Variants in DNAI3 observed in about 807,000 individuals in gnomAD.
DNAI3 encodes dynein axonemal intermediate chain 3.
A neutral mutation model predicts 115.5 loss-of-function variants in DNAI3; 83 were observed. That is an observed-to-expected ratio of 0.72 (90% CI 0.60 to 0.86). The LOEUF (loss-of-function observed/expected upper bound fraction) is 0.86, where lower values mean the gene tolerates loss of function less well. Among genes scored for constraint, DNAI3 ranks in the 40% least tolerant of loss-of-function variants. The probability of loss-of-function intolerance (pLI) is 0.00; values close to 1 mark genes in which losing one functional copy is unlikely to be tolerated. For missense variants in DNAI3, 1,004 were observed against 1,075.8 expected (o/e 0.93, Z 0.93); for synonymous variants, 320 against 347.0 (o/e 0.92, Z 0.86).
At position 85,098,517 on chromosome 1, in the gene DNAI3, T is replaced by C. The variant is rs752764241; in HGVS notation, c.1351-13T>C. On this transcript the variant is annotated splice_polypyrimidine_tract_variant and intron_variant, in intron 12 of 22. Transcript: ENST00000294664. ...CTGAAATTAGCACTTAACTTTCTTT[T>C]AATATTTTTCAGCCTATGTTTCTCC... 6.2e-7 allele frequency: 1 copy of C among 1,606,198 alleles called. No individual in the cohort carries two copies. Among genetic ancestry groups the C allele is most frequent in the African/African-American group, 1.3e-5 (1 of 74,424 alleles).
rs1655999915 is a variant in DNAI3 at position 85,121,737 on chromosome 1, T to C, written c.1918-14T>C. The C allele has an allele frequency of 6.2e-7, 1 of 1,613,472 alleles. No homozygotes were observed. The highest frequency in any genetic ancestry group is 8.5e-7 in the Non-Finnish European group (1 of 1,179,590). On this transcript the variant is annotated splice_polypyrimidine_tract_variant and intron_variant, in intron 17 of 22. Coordinates refer to ENST00000294664, the MANE Select transcript of DNAI3 (RefSeq NM_145172.5). ...GTTGTCATTGTACTCATCAGGAACC[T>C]GTAATATTTTTAGGAAGGCGAAGTG...
intron 1 of DNAI3, among the ~76,000 whole-genome samples, chr1:85,065,509 G>T (rs1428211213): frequency 6.6e-6 from 1 of 152,220 alleles, no homozygotes; most frequent in Non-Finnish European, 1.5e-5. Context: ...AGTGACAAGG[G>T]TGGCACCAGT....
intron 15 of DNAI3, 27 bp downstream of exon 15, chr1:85,108,204 T>C: frequency 6.4e-7 from 1 of 1,558,124 alleles, no homozygotes; most frequent in Non-Finnish European, 8.6e-7. Flanking sequence ...TTTTAGTCCA[T>C]CCTGCTTGCA....
intron 15 of DNAI3, 77 bp from the exon 16 acceptor site, chr1:85,109,971 G>C (rs1655603121): frequency 7.1e-7 from 1 of 1,408,442 alleles, no homozygotes; most frequent in Non-Finnish European, 1.0e-6. Context: ...GGAGCAGAAG[G>C]GAAAGGCAAG....
intron 17 of DNAI3, among the ~76,000 whole-genome samples, chr1:85,121,229 G>A (rs1193812050): frequency 2.6e-5 from 4 of 152,014 alleles, no homozygotes; most frequent in African/African-American, 9.7e-5. Context: ...TCCTTAAAAC[G>A]GCCATAAGAC....
At chr1:85,118,361 G>A (rs184003688) in intron 17 of DNAI3, among the ~76,000 whole-genome samples, 21 of 152,304 alleles carry the variant, frequency 1.4e-4, no homozygotes, top group Admixed American at 2.6e-4. Flanking sequence ...CAGTGTCTGT[G>A]CCAAGTTATT....
rs560753036 is a variant in DNAI3, at chr1:85,109,561, G to C, written c.1699-487G>C. On this transcript the variant is annotated intron_variant, in intron 15 of 22. Coordinates refer to ENST00000294664, the MANE Select transcript of DNAI3 (RefSeq NM_145172.5). ...TGAGGGAAAACTGTGAAGTGTGACA[G>C]TTTCTCTTTCCAGCCACCAGGATGC... is the stretch of plus-strand genomic sequence containing the variant. 7.5e-4 allele frequency among the ~76,000 whole-genome samples: 114 copies of C among 152,250 alleles called. 1 individual carries two copies. Among genetic ancestry groups the C allele is most frequent in the Non-Finnish European group, 1.6e-4 (11 of 68,020 alleles).
chr1:85,075,784 T>C (rs935301778), intron 3 of DNAI3, among the ~76,000 whole-genome samples: 2 of 152,196 alleles, frequency 1.3e-5, no homozygotes, highest in African/African-American at 4.8e-5. Context: ...ACTCTTCTTA[T>C]TGCCTTAGCT....
In DNAI3 at chr1:85,075,290, G is replaced by T. The variant is rs79769162; in HGVS notation, c.103+2198G>T. ...GCATCATGCTTTTCACATAGTGGGT[G>T]CTCAGTAAATATTTCTTAACTAAAT... On this transcript the variant is annotated intron_variant, in intron 3 of 22. Coordinates refer to ENST00000294664, the MANE Select transcript of DNAI3 (RefSeq NM_145172.5). 2.8e-4 allele frequency among the ~76,000 whole-genome samples: 42 copies of T among 152,260 alleles called. No individual in the cohort carries two copies. The East Asian group carries it at 7.5e-3, about 27-fold the overall frequency.
intron 5 of DNAI3, 131 bp downstream of exon 5, chr1:85,082,535 C>A (rs990822474): frequency 8.7e-6 from 6 of 691,822 alleles, no homozygotes; most frequent in Middle Eastern, 3.7e-4. Context: ...ACGTCAATCT[C>A]CCAGGCCCAA....
At chr1:85,079,765 C>A (rs1390394424) in intron 3 of DNAI3, among the ~76,000 whole-genome samples, 1 of 152,094 alleles carries the variant, frequency 6.6e-6, no homozygotes, top group Non-Finnish European at 1.5e-5. Flanking sequence ...TGAGGACTGG[C>A]CTGAGGCGCA....
At chr1:85,129,802 G>T (rs1656259649) in intron 21 of DNAI3, among the ~76,000 whole-genome samples, 188 bp from the exon 22 acceptor site, 1 of 152,064 alleles carries the variant, frequency 6.6e-6, no homozygotes, top group African/African-American at 2.4e-5. Context: ...AAGATTTAAA[G>T]TATCACAAAA....
Position 85,123,899 on chromosome 1 carries a change from T to C in DNAI3, c.1982-222T>C, listed in dbSNP as rs568209954. ...TAAATGAATAACACAAAGTATTCAT[T>C]TAAGCTTGAAAAATGGCCTTGATGG... is the stretch of plus-strand genomic sequence containing the variant. On this transcript the variant is annotated intron_variant, in intron 18 of 22. Transcript: ENST00000294664. Among the ~76,000 whole-genome samples the C allele has an allele frequency of 8.5e-5, 13 of 152,336 alleles. No individual in the cohort carries two copies. The South Asian group carries it at 2.3e-3, about 27-fold the overall frequency.
At chr1:85,063,414 T>A (rs12062414) in intron 1 of DNAI3, among the ~76,000 whole-genome samples, 73,706 of 151,848 alleles carry the variant, frequency 0.49, 18,278 homozygotes, top group Middle Eastern at 0.55. Flanking sequence ...GGAAACCGTG[T>A]GAGGCTGGAA....
intron 13 of DNAI3, among the ~76,000 whole-genome samples, chr1:85,103,894 T>TAATAAC (rs1343076863): frequency 6.6e-5 from 2 of 30,126 alleles, no homozygotes; most frequent in Non-Finnish European, 1.6e-4. Flanking sequence ...CTCAAAATAA[T>TAATAAC]AATAATAATA....
At chr1:85,105,427 A>G (rs746380270) in intron 14 of DNAI3, among the ~76,000 whole-genome samples, 3 of 151,608 alleles carry the variant, frequency 2.0e-5, no homozygotes, top group African/African-American at 7.3e-5. Flanking sequence ...AACTATTTTT[A>G]TATTTGCAAC....
intron 1 of DNAI3, 74 bp from the exon 2 acceptor site, chr1:85,071,854 A>T: frequency 7.5e-7 from 1 of 1,332,858 alleles, no homozygotes; most frequent in Non-Finnish European, 1.1e-6. Flanking sequence ...ATTAAATGAT[A>T]ATGTTTAGTA....
At chr1:85,088,069 C>G (rs894796904) in intron 7 of DNAI3, among the ~76,000 whole-genome samples, 1 of 151,962 alleles carries the variant, frequency 6.6e-6, no homozygotes, top group African/African-American at 2.4e-5. Flanking sequence ...CATCAGACAT[C>G]CATAAATATC....
intron 16 of DNAI3, among the ~76,000 whole-genome samples, chr1:85,115,680 T>C (rs1414499425): frequency 1.3e-5 from 2 of 150,670 alleles, no homozygotes; most frequent in African/African-American, 2.4e-5. Flanking sequence ...TTGTGGAAGA[T>C]AATTTCTCCA....
Sources: gnomAD v4.1 joint callset for allele counts (sites outside exome capture counted in the v4.1 genomes callset) on GRCh38, gnomAD v4.1.1 for gene constraint, MANE v1.5 for transcripts, NCBI Gene and HGNC (gene_info 2026-07-23, HGNC 2026-07-21) for gene names.